Variants in TNRC18 observed in about 807,000 individuals in gnomAD.
The protein encoded by TNRC18 is trinucleotide repeat containing 18.
TNRC18 carries 69 observed loss-of-function variants against 226.7 expected under a neutral mutation model. That is an observed-to-expected ratio of 0.30 (90% CI 0.25 to 0.37). The LOEUF (loss-of-function observed/expected upper bound fraction) is 0.37, where lower values mean the gene tolerates loss of function less well. Among genes scored for constraint, TNRC18 ranks in the 10% least tolerant of loss-of-function variants. The pLI, the probability that TNRC18 is intolerant of heterozygous loss-of-function variation, is 1.00. For missense variants in TNRC18, 4,754 were observed against 4,256.6 expected, an observed-to-expected ratio of 1.12 and a Z score of -3.25; for synonymous variants, 2,449 against 1,927.6, an observed-to-expected ratio of 1.27 and a Z score of -7.09.
chr7:5,342,344 G>A (rs1297550903), intron 18 of TNRC18, among the ~76,000 whole-genome samples: 4 of 151,792 alleles, frequency 2.6e-5, no homozygotes, highest in Admixed American at 6.6e-5. Flanking sequence ...CACAAGAACC[G>A]CTTGAACTGG....
chr7:5,413,553 T>C (rs774617089), intron 2 of TNRC18, among the ~76,000 whole-genome samples: 11 of 152,166 alleles, frequency 7.2e-5, no homozygotes, highest in Non-Finnish European at 1.6e-4. Context: ...TGACACAGGG[T>C]CTCACTCTGT....
chr7:5,353,045 C>T (rs543327649), intron 16 of TNRC18, among the ~76,000 whole-genome samples: 3 of 146,488 alleles, frequency 2.0e-5, no homozygotes, highest in Middle Eastern at 3.5e-3. Flanking sequence ...TAAGCTTTCA[C>T]TCCAGCAAGA....
intron 19 of TNRC18, chr7:5,325,549 G>A (rs1208372390): frequency 9.3e-6 from 3 of 321,950 alleles, no homozygotes; most frequent in South Asian, 5.9e-5. Context: ...TCAGCCTCCC[G>A]AGTAGCTGGG....
At chr7:5,344,962 G>C (rs927674816) in intron 18 of TNRC18, among the ~76,000 whole-genome samples, 1 of 152,138 alleles carries the variant, frequency 6.6e-6, no homozygotes. Context: ...CTGCTGCCTT[G>C]GTTTACCTAT....
chr7:5,339,519 C>T (rs1342722871), intron 18 of TNRC18, among the ~76,000 whole-genome samples: 3 of 150,420 alleles, frequency 2.0e-5, no homozygotes, highest in Non-Finnish European at 2.9e-5. Context: ...GGATTACAGG[C>T]GCGAGCTATC....
At chr7:5,410,507 G>A (rs1781771088) in intron 2 of TNRC18, among the ~76,000 whole-genome samples, 1 of 152,144 alleles carries the variant, frequency 6.6e-6, no homozygotes, top group South Asian at 2.1e-4. Flanking sequence ...ACCCAAGACA[G>A]TAAATGCAAA....
At chr7:5,383,597 T>TG (rs774725435) in intron 5 of TNRC18, among the ~76,000 whole-genome samples, 4 of 152,136 alleles carry the variant, frequency 2.6e-5, no homozygotes, top group Non-Finnish European at 5.9e-5. Context: ...AGCAAGAGAC[T>TG]GGGGCGAGAA....
chr7:5,326,887 G>T (rs1409885975), intron 19 of TNRC18, among the ~76,000 whole-genome samples: 1 of 151,704 alleles, frequency 6.6e-6, no homozygotes, highest in Non-Finnish European at 1.5e-5. Context: ...CACTTTGGGA[G>T]GCCGAGGCGG....
At chr7:5,399,845 C>G (rs749482397) in intron 2 of TNRC18, among the ~76,000 whole-genome samples, 22 of 151,598 alleles carry the variant, frequency 1.5e-4, no homozygotes, top group Non-Finnish European at 2.8e-4. Context: ...GCCAACATGG[C>G]GAAAACCACC....
rs769180600 is a variant in TNRC18, at chr7:5,312,690, G to T, written c.8201C>A (p.Thr2734Lys). The T allele has an allele frequency of 1.3e-6, 2 of 1,597,388 alleles. No individual in the cohort carries two copies. Among genetic ancestry groups the T allele is most frequent in the South Asian group, 2.2e-5 (2 of 90,332 alleles). Residue 2734 changes from threonine to lysine, a missense_variant, in exon 27 of 30, where the codon ACA becomes AAA. Thr to Lys is a moderately conservative substitution (Grantham distance 78, BLOSUM62 -1). Transcript: ENST00000430969. This position sits in a 1 kb window ranked among gnomAD's most constrained non-coding sequence, Gnocchi z 6.3. ...CTGAGCCTTGGGCTGCAGAGGCTGT[G>T]TGGGCTGCGGAGGAGGCGCCTGGGG... ...PQPQAPPPQP[T>K]QPLQPKAQAG... is the part of the protein sequence containing the mutation.
rs778305819 is a variant in TNRC18, at chr7:5,370,896, G to T, written c.3698C>A (p.Pro1233Gln). The T allele has an allele frequency of 3.7e-6, 6 of 1,606,504 alleles. No individual in the cohort carries two copies. The highest frequency in any genetic ancestry group is 5.1e-6 in the Non-Finnish European group (6 of 1,179,724). The stretch of plus-strand genomic sequence containing the variant: ...GGCGGTGCAGGGTTCTGTCCGGCCC[G>T]GGGAATCCACCCGTGGTTCAGGCCC... ...VEGPEPRVDS[P>Q]GRTEPCTAAL... Residue 1233 changes from proline (P) to glutamine (Q), a missense_variant, in exon 11 of 30, where the codon CCG (proline) becomes CAG (glutamine). Coordinates refer to ENST00000430969, the MANE Select transcript of TNRC18 (RefSeq NM_001080495.3).
chr7:5,351,161 A>ACGGTCC (rs1322346960), intron 17 of TNRC18, among the ~76,000 whole-genome samples: 1 of 151,970 alleles, frequency 6.6e-6, no homozygotes, highest in African/African-American at 2.4e-5. Context: ...GGCAGGCGGC[A>ACGGTCC]CGGTCCCGTC....
intron 14 of TNRC18, among the ~76,000 whole-genome samples, chr7:5,360,674 TG>T (rs1792940469): frequency 1.3e-5 from 2 of 152,176 alleles, no homozygotes; most frequent in Admixed American, 1.3e-4. Flanking sequence ...ACCACGCTGC[TG>T]GTGGCCGCAG....
chr7:5,372,208 C>G (rs920313586), intron 10 of TNRC18, among the ~76,000 whole-genome samples: 2 of 151,862 alleles, frequency 1.3e-5, no homozygotes, highest in Non-Finnish European at 2.9e-5. Flanking sequence ...GCTGGGACGA[C>G]AGGCGCCCGC....
At position 5,361,523 on chromosome 7, in the gene TNRC18, C is replaced by A. The variant is rs1015703867; in HGVS notation, c.4661+71G>T. 17 of 1,422,958 alleles carry A rather than the reference C, an allele frequency of 1.2e-5. No individual in the cohort carries two copies. In the African/African-American group the frequency reaches 2.5e-4, roughly 21 times the overall value. The allele number at this position is 1,422,958 out of a possible 1,614,324, so 88.1% of individuals were successfully genotyped here. ...GGTCCCCCAGCACCCCGAGGCAGGC[C>A]CTGCGTGGGGCCCGGGCTCCTCCCC... On this transcript the variant is annotated intron_variant, in intron 14 of 29. Coordinates refer to ENST00000430969, the MANE Select transcript of TNRC18 (RefSeq NM_001080495.3).
rs1473381523 is a variant in TNRC18, at chr7:5,345,628, G to A, written c.5653C>T (p.Leu1885=). The A allele has an allele frequency of 6.4e-7, 1 of 1,557,334 alleles. No homozygotes were observed. Among genetic ancestry groups the A allele is most frequent in the Non-Finnish European group, 8.7e-7 (1 of 1,150,886 alleles). ...TTGGCCTCCAGCTGTACCACAGACAGGGATGGACCCACCGTGGGGCTGGGG... is the reference window on the plus strand; with the variant it reads ...TTGGCCTCCAGCTGTACCACAGACAAGGATGGACCCACCGTGGGGCTGGGG... ...ALPSPTVGPS[L]SVVQLEAKQK... is the part of the protein sequence containing the mutation. The change falls in exon 18 of 30, where the codon CTG becomes TTG. Residue 1885 remains leucine (L), a synonymous_variant. Transcript: ENST00000430969.
At chr7:5,342,166 C>T (rs540491009) in intron 18 of TNRC18, among the ~76,000 whole-genome samples, 42 of 152,298 alleles carry the variant, frequency 2.8e-4, no homozygotes, top group African/African-American at 9.6e-4. Flanking sequence ...CAGTGGCTCA[C>T]GCCTGTAACC....
At chr7:5,390,051 G>A (rs1237345383) in intron 4 of TNRC18, 3 of 244,072 alleles carry the variant, frequency 1.2e-5, no homozygotes, top group East Asian at 7.8e-5. Flanking sequence ...GCCTGTGGGG[G>A]GTCTTAGGGA....
chr7:5,389,009 T>A lies in TNRC18; in HGVS notation c.815A>T (p.Lys272Met). Residue 272 changes from lysine to methionine, a missense_variant, in exon 5 of 30, where the codon AAG (lysine) becomes ATG (methionine). Transcript: ENST00000430969. ...TACCGACGGCTGCAGCGCCGCATTC[T>A]TGGTCTTGGACTCAGCCAGGAAGGG... ...LSPFLAESKT[K>M]NAALQPSVLT... is the part of the protein sequence containing the mutation. 7.4e-7 allele frequency: 1 copy of A among 1,353,260 alleles called. No homozygotes were observed. The allele number at this position is 1,353,260 out of a possible 1,614,324, so 83.8% of individuals were successfully genotyped here.
Sources: allele counts gnomAD v4.1 joint callset (sites outside exome capture counted in the v4.1 genomes callset), GRCh38; gene constraint gnomAD v4.1.1; non-coding constraint Gnocchi (gnomAD v3.1); transcripts MANE v1.5; gene names NCBI Gene and HGNC (gene_info 2026-07-23, HGNC 2026-07-21).